The following CFH variants were observed in gnomAD, a reference collection of about 807,000 sequenced individuals.
CFH encodes the protein complement factor H.
In CFH, 53 loss-of-function variants were observed where a neutral mutation model predicts 147.3. That is an observed-to-expected ratio of 0.36 (90% confidence interval 0.29 to 0.45). The LOEUF is 0.45. CFH is among the 20% of genes least tolerant of loss of function. The probability of loss-of-function intolerance (pLI) is 1.00; values close to 1 mark genes in which losing one functional copy is unlikely to be tolerated. For missense variants in CFH, 1,380 were observed against 1,498.0 expected, an observed-to-expected ratio of 0.92 and a Z score of 1.30; for synonymous variants, 536 against 489.4, an observed-to-expected ratio of 1.10 and a Z score of -1.26.
chr1:196,719,405 G>GCC (rs1668946405), intron 11 of CFH, among the ~76,000 whole-genome samples: 1 of 151,818 alleles, frequency 6.6e-6, no homozygotes, highest in Non-Finnish European at 1.5e-5. Context: ...TTTTAGGAGA[G>GCC]AAATCCCAGT....
At chr1:196,728,221 G>A (rs1252060366) in intron 14 of CFH, 125 bp from the exon 15 acceptor site, 1 of 711,808 alleles carries the variant, frequency 1.4e-6, no homozygotes, top group African/African-American at 1.8e-5. Flanking sequence ...CTTGGTTGGT[G>A]AAATTTATAA....
intron 1 of CFH, among the ~76,000 whole-genome samples, chr1:196,671,570 C>G (rs1246478752): frequency 6.9e-6 from 1 of 144,696 alleles, no homozygotes; most frequent in African/African-American, 2.6e-5. Context: ...TTGGTTTCTT[C>G]TATCTCAAAA....
chr1:196,699,236 T>C (rs996887427), intron 9 of CFH, among the ~76,000 whole-genome samples: 9 of 152,158 alleles, frequency 5.9e-5, no homozygotes, highest in African/African-American at 2.2e-4. Context: ...ATGTGTTTTT[T>C]TTTCCATTAA....
intron 11 of CFH, among the ~76,000 whole-genome samples, chr1:196,721,907 A>T (rs1451306509): frequency 6.6e-6 from 1 of 151,812 alleles, no homozygotes; most frequent in East Asian, 1.9e-4. Context: ...ATCTGTCTCC[A>T]TACCTTTACC....
At chr1:196,714,662 TATATATAGAGAG>T (rs1303758177) in intron 10 of CFH, among the ~76,000 whole-genome samples, 32 of 37,448 alleles carry the variant, frequency 8.5e-4, no homozygotes, top group African/African-American at 3.1e-3. Context: ...TATATATATA[TATATATAGAGAG>T]AGAGAGAGAG....
In CFH at chr1:196,677,863, C is replaced by T. The variant is rs55720813; in HGVS notation, c.619+196C>T. ...AACTTTCAAAAAACTCCATGATTTA[C>T]TTACTCATCACTTTCATTTTATAAT... On this transcript the variant is annotated intron_variant, in intron 5 of 21. Transcript: ENST00000367429. The T allele has an allele frequency of 3.6e-3, 2,028 of 570,128 alleles. 11 individuals carry two copies. The highest frequency in any genetic ancestry group is 0.017 in the East Asian group (561 of 32,184). 35.3% of individuals were successfully genotyped at this position (570,128 alleles called of 1,614,324 possible).
At chr1:196,697,515 G>A (rs987713802) in intron 9 of CFH, among the ~76,000 whole-genome samples, 10 of 152,160 alleles carry the variant, frequency 6.6e-5, no homozygotes, top group African/African-American at 1.4e-4. Context: ...AACAGGTGCC[G>A]GAGAGGATGT....
chr1:196,697,577 C>T (rs1313039622), intron 9 of CFH, among the ~76,000 whole-genome samples: 1 of 152,136 alleles, frequency 6.6e-6, no homozygotes, highest in Non-Finnish European at 1.5e-5. Flanking sequence ...ACTAGTTCAA[C>T]CATTGTGGAA....
chr1:196,707,032 G>A (rs1668606581), intron 9 of CFH, among the ~76,000 whole-genome samples: 1 of 152,134 alleles, frequency 6.6e-6, no homozygotes, highest in Non-Finnish European at 1.5e-5. Context: ...TCTCCATCCA[G>A]TGTGACCATA....
Position 196,660,136 on chromosome 1 carries a change from C to T in CFH, c.58+7961C>T, listed in dbSNP as rs12238983. Among the ~76,000 whole-genome samples the T allele has an allele frequency of 7.6e-3, 1,149 of 152,110 alleles. 18 individuals are homozygous for T. The highest frequency in any genetic ancestry group is 0.026 in the African/African-American group (1,078 of 41,448). On this transcript the variant is annotated intron_variant, in intron 1 of 21. Coordinates refer to ENST00000367429, the MANE Select transcript of CFH (RefSeq NM_000186.4). ...TGAGTGGATCACTTTGAGGACAGAA[C>T]ATTTGAGTAGAGGCCTGAAAGATGA...
intron 7 of CFH, among the ~76,000 whole-genome samples, chr1:196,687,829 C>A (rs1012368172): frequency 6.6e-6 from 1 of 151,746 alleles, no homozygotes; most frequent in Non-Finnish European, 1.5e-5. Context: ...ACACTGGGAG[C>A]TTCAGATAAA....
intron 4 of CFH, chr1:196,677,205 A>G (rs761672807): frequency 3.1e-6 from 1 of 325,186 alleles, no homozygotes; most frequent in Non-Finnish European, 5.7e-6. Context: ...AATTATTTAA[A>G]AATACTAGTT....
chr1:196,699,863 A>T (rs921224861), intron 9 of CFH, among the ~76,000 whole-genome samples: 1 of 152,200 alleles, frequency 6.6e-6, no homozygotes, highest in Non-Finnish European at 1.5e-5. Context: ...AGGACAATCA[A>T]TGGTAATCAT....
rs115722139 is a variant in CFH, at chr1:196,740,715, T to C, written c.2879T>C (p.Phe960Ser). The C allele has an allele frequency of 1.8e-4, 294 of 1,614,036 alleles. No homozygotes were observed. The highest frequency in any genetic ancestry group is 2.4e-4 in the Non-Finnish European group (286 of 1,179,966). ...QYGEEVTYKC[F>S]EGFGIDGPAI... is the part of the protein sequence containing the mutation. Reference sequence around the variant, plus strand: ...GGAGAAGAAGTTACGTACAAATGTTTTGAAGGTTTTGGAATTGATGGGCCT... The same window carrying C: ...GGAGAAGAAGTTACGTACAAATGTTCTGAAGGTTTTGGAATTGATGGGCCT... Residue 960 changes from phenylalanine to serine, a missense_variant, in exon 18 of 22, where the codon TTT becomes TCT. Coordinates refer to ENST00000367429, the MANE Select transcript of CFH (RefSeq NM_000186.4).
chr1:196,709,457 C>T (rs892864366), intron 9 of CFH, among the ~76,000 whole-genome samples: 3 of 152,084 alleles, frequency 2.0e-5, no homozygotes, highest in African/African-American at 7.2e-5. Flanking sequence ...CAAAAAGAAG[C>T]TAGAATGGCC....
At chr1:196,706,123 A>C (rs981082715) in intron 9 of CFH, among the ~76,000 whole-genome samples, 1 of 151,938 alleles carries the variant, frequency 6.6e-6, no homozygotes, top group Non-Finnish European at 1.5e-5. Context: ...CTCTGGGTTC[A>C]TCGGCACAGA....
chr1:196,705,768 T>C (rs1668570540), intron 9 of CFH, among the ~76,000 whole-genome samples: 1 of 152,112 alleles, frequency 6.6e-6, no homozygotes, highest in Admixed American at 6.5e-5. Context: ...TGGGTTAACC[T>C]AGCACTGTAC....
chr1:196,743,244 A>C (rs1258993743), intron 19 of CFH, among the ~76,000 whole-genome samples: 1 of 152,258 alleles, frequency 6.6e-6, no homozygotes, highest in African/African-American at 2.4e-5. Context: ...TGAAGAAGAA[A>C]TTTAAAACAT....
Position 196,673,080 on chromosome 1 carries a change from C to G in CFH, c.161C>G (p.Pro54Arg). Reference sequence around the variant, plus strand: ...ACCCAGGCTATCTATAAATGCCGCCCTGGATATAGATCTCTTGGAAATGTA... The same window carrying G: ...ACCCAGGCTATCTATAAATGCCGCCGTGGATATAGATCTCTTGGAAATGTA... The part of the protein sequence containing the change: ...EGTQAIYKCR[P>R]GYRSLGNVIM... The change falls in exon 2 of 22, where the codon CCT becomes CGT. Residue 54 changes from proline to arginine, a missense_variant. By Grantham distance (103) the Pro-to-Arg change is moderately radical. This residue lies in a region of CFH where 260 missense variants were observed against 263.3 expected (regional missense o/e 0.99). Transcript: ENST00000367429. 1 of 1,613,914 alleles carries G rather than the reference C, an allele frequency of 6.2e-7. No homozygotes were observed. The highest frequency in any genetic ancestry group is 2.2e-5 in the East Asian group (1 of 44,854).
Sources: allele counts gnomAD v4.1 joint callset (sites outside exome capture counted in the v4.1 genomes callset), GRCh38; gene constraint gnomAD v4.1.1; regional missense constraint gnomAD v4.1.1; transcripts MANE v1.5; gene names NCBI Gene and HGNC (gene_info 2026-07-23, HGNC 2026-07-21).